The following PCBP3 variants were observed in gnomAD, a reference collection of about 807,000 sequenced individuals.
The protein encoded by PCBP3 is poly(rC) binding protein 3.
A neutral mutation model predicts 52.7 loss-of-function variants in PCBP3; 25 were observed. That is an observed-to-expected ratio of 0.47 (90% confidence interval 0.35 to 0.66). The LOEUF (loss-of-function observed/expected upper bound fraction) is 0.66. Among genes scored for constraint, PCBP3 ranks in the 30% least tolerant of loss-of-function variants. The pLI is 0.01. For synonymous variants in PCBP3, 162 were observed against 183.0 expected, an observed-to-expected ratio of 0.89 and a Z score of 0.93; for missense variants, 391 against 490.3, an observed-to-expected ratio of 0.80 and a Z score of 1.91.
At chr21:45,650,032 TA>T (rs1174339548) in intron 1 of PCBP3, among the ~76,000 whole-genome samples, 4 of 152,026 alleles carry the variant, frequency 2.6e-5, no homozygotes, top group Non-Finnish European at 4.4e-5. Flanking sequence ...TGTACTACAT[TA>T]AAAAATATTA....
intron 4 of PCBP3, among the ~76,000 whole-genome samples, chr21:45,833,997 A>G (rs2093518325): frequency 6.6e-6 from 1 of 151,644 alleles, no homozygotes; most frequent in Non-Finnish European, 1.5e-5. Flanking sequence ...GATGGCGTGG[A>G]TGTTATCTGG....
intron 2 of PCBP3, among the ~76,000 whole-genome samples, chr21:45,680,104 A>G (rs1342853738): frequency 6.6e-6 from 1 of 152,212 alleles, no homozygotes; most frequent in Non-Finnish European, 1.5e-5. Context: ...CATCCTTCTG[A>G]CAATGTCACA....
chr21:45,862,004 C>T (rs1051922887), intron 5 of PCBP3, among the ~76,000 whole-genome samples: 1 of 152,142 alleles, frequency 6.6e-6, no homozygotes, highest in Non-Finnish European at 1.5e-5. Flanking sequence ...AACGCTGCTT[C>T]CCCTGGAGGC....
At chr21:45,688,776 ACAT>A (rs1253450731) in intron 2 of PCBP3, among the ~76,000 whole-genome samples, 3 of 152,028 alleles carry the variant, frequency 2.0e-5, no homozygotes, top group East Asian at 1.9e-4. Context: ...GAAAAAGAAG[ACAT>A]CATTACAGAT....
intron 5 of PCBP3, among the ~76,000 whole-genome samples, chr21:45,863,660 G>A (rs980805797): frequency 9.2e-5 from 14 of 152,328 alleles, no homozygotes; most frequent in African/African-American, 1.2e-4. Context: ...CTTTTTCTCC[G>A]GTAGCATCTC....
intron 2 of PCBP3, among the ~76,000 whole-genome samples, chr21:45,690,545 A>T (rs1437089949): frequency 6.6e-6 from 1 of 152,188 alleles, no homozygotes; most frequent in Non-Finnish European, 1.5e-5. Context: ...GGCAAATAGA[A>T]TGGAAATTTT....
At chr21:45,808,238 A>G (rs906789259) in intron 4 of PCBP3, among the ~76,000 whole-genome samples, 9 of 152,218 alleles carry the variant, frequency 5.9e-5, no homozygotes, top group Non-Finnish European at 1.2e-4. Flanking sequence ...AAAAGAAACT[A>G]TCATCAGAGT....
intron 4 of PCBP3, among the ~76,000 whole-genome samples, chr21:45,770,610 T>C (rs567372654): frequency 5.4e-4 from 82 of 152,304 alleles, no homozygotes; most frequent in African/African-American, 1.8e-3. Flanking sequence ...GTATGGACAT[T>C]TTCTGCTGTG....
intron 4 of PCBP3, among the ~76,000 whole-genome samples, chr21:45,849,124 T>C (rs763726184): frequency 1.5e-4 from 23 of 152,218 alleles, no homozygotes; most frequent in Non-Finnish European, 1.8e-4. Context: ...GCTATGCTTT[T>C]ATTTCTGTAG....
chr21:45,693,278 C>A (rs2082587709), intron 2 of PCBP3, among the ~76,000 whole-genome samples: 1 of 152,090 alleles, frequency 6.6e-6, no homozygotes, highest in Non-Finnish European at 1.5e-5. Context: ...CTGATACCCA[C>A]AATAACGTGG....
At chr21:45,795,315 C>CTT (rs34237544) in intron 4 of PCBP3, among the ~76,000 whole-genome samples, 62 of 145,472 alleles carry the variant, frequency 4.3e-4, no homozygotes, top group South Asian at 1.1e-3. Context: ...TCTTCTTTTT[C>CTT]TTTTTTTTTT....
intron 1 of PCBP3, among the ~76,000 whole-genome samples, chr21:45,657,687 G>A (rs1299612439): frequency 6.6e-6 from 1 of 151,274 alleles, no homozygotes; most frequent in African/African-American, 2.4e-5. Context: ...AAAAAAAAAG[G>A]CAGGTAGAAT....
intron 3 of PCBP3, among the ~76,000 whole-genome samples, chr21:45,749,222 C>T (rs1263911457): frequency 6.6e-6 from 1 of 152,158 alleles, no homozygotes; most frequent in Non-Finnish European, 1.5e-5. Context: ...ACCTTCTCTC[C>T]TTCACTTTAT....
chr21:45,795,242 G>A (rs1418426425), intron 4 of PCBP3, among the ~76,000 whole-genome samples: 1 of 151,584 alleles, frequency 6.6e-6, no homozygotes, highest in Non-Finnish European at 1.5e-5. Context: ...ATGTTTACGA[G>A]GAATTTGAAT....
chr21:45,817,225 C>T lies in PCBP3; in HGVS notation c.-125-32736C>T, dbSNP rs577774457. On this transcript the variant is annotated intron_variant, in intron 4 of 17. Coordinates refer to ENST00000681687, the MANE Select transcript of PCBP3 (RefSeq NM_001384156.1). The surrounding 1 kb of genome is among the most constrained non-coding windows in gnomAD (Gnocchi z 4.3). ...GTCTTCACTATCCCTTCCTCTAGAA[C>T]TTAACGTTGTCCTCCTCCTAAGGTG... Among the ~76,000 whole-genome samples the T allele has an allele frequency of 3.9e-5, 6 of 152,336 alleles. No individual in the cohort carries two copies. In the East Asian group the frequency reaches 1.2e-3, roughly 29 times the overall value.
chr21:45,779,143 G>C (rs2090460706), intron 4 of PCBP3, among the ~76,000 whole-genome samples: 1 of 152,240 alleles, frequency 6.6e-6, no homozygotes, highest in African/African-American at 2.4e-5. Flanking sequence ...ACATCACGCA[G>C]TCTGCCAAAG....
chr21:45,762,604 T>C (rs2088819423), intron 4 of PCBP3: 1 of 150,004 alleles, frequency 6.7e-6, no homozygotes, highest in Non-Finnish European at 1.5e-5. Context: ...GCGATTCTCC[T>C]GAGTAGCTGG....
At chr21:45,718,243 A>T in intron 2 of PCBP3, among the ~76,000 whole-genome samples, 2 of 147,240 alleles carry the variant, frequency 1.4e-5, no homozygotes, top group Non-Finnish European at 3.0e-5. Flanking sequence ...AAGATTTGTC[A>T]ATTTTTTGAT....
At chr21:45,920,049 G>GT (rs1556354641) in intron 13 of PCBP3, among the ~76,000 whole-genome samples, 3 of 52,606 alleles carry the variant, frequency 5.7e-5, no homozygotes, top group Non-Finnish European at 7.5e-5. Flanking sequence ...AGGTTCCAAA[G>GT]GGGGGGTCAC....
Sources: gnomAD v4.1 joint callset for allele counts (sites outside exome capture counted in the v4.1 genomes callset) on GRCh38, gnomAD v4.1.1 for gene constraint, Gnocchi (gnomAD v3.1) non-coding constraint, MANE v1.5 for transcripts, NCBI Gene and HGNC (gene_info 2026-07-23, HGNC 2026-07-21) for gene names.